Variants in ASTN1 observed in about 807,000 individuals in gnomAD.
ASTN1 encodes the protein astrotactin-1.
ASTN1 carries 41 observed loss-of-function variants against 140.7 expected under a neutral mutation model. The ratio of observed to expected loss-of-function variants is 0.29; its 90% CI spans 0.23 to 0.38. ASTN1 has a LOEUF of 0.38. Ranked by LOEUF, ASTN1 falls within the 10% of genes least tolerant of loss-of-function variation. ASTN1 has a pLI of 1.00. For missense variants in ASTN1, 1,479 were observed against 1,678.8 expected, an observed-to-expected ratio of 0.88 and a Z score of 2.08; for synonymous variants, 640 against 652.2, an observed-to-expected ratio of 0.98 and a Z score of 0.29.
chr1:177,014,648 G>T (rs553086164), intron 8 of ASTN1, 143 bp downstream of exon 8: 4 of 678,842 alleles, frequency 5.9e-6, no homozygotes, highest in Non-Finnish European at 1.0e-5. Flanking sequence ...ATATGGAAAG[G>T]CATAGTGACA....
At chr1:176,999,640 G>A (rs1049153945) in intron 8 of ASTN1, among the ~76,000 whole-genome samples, 1 of 152,134 alleles carries the variant, frequency 6.6e-6, no homozygotes, top group African/African-American at 2.4e-5. Flanking sequence ...GACTGAAGGT[G>A]ATATGGTTTG....
At position 177,061,073 on chromosome 1, in the gene ASTN1, C is replaced by T. The variant is rs1442392572; in HGVS notation, c.471+5G>A. 6.3e-7 allele frequency: 1 copy of T among 1,585,322 alleles called. No homozygotes were observed. Among genetic ancestry groups the T allele is most frequent in the Non-Finnish European group, 8.6e-7 (1 of 1,166,056 alleles). On this transcript the variant is annotated splice_donor_5th_base_variant and intron_variant, in intron 2 of 22. Transcript: ENST00000361833. ...CCTGAGAGGCTAAGGCTGTTCTGCT[C>T]TTACCATGACTGAGATGTGGAGGAT... is the stretch of plus-strand genomic sequence containing the variant.
chr1:177,067,691 G>A (rs753109207), intron 1 of ASTN1, among the ~76,000 whole-genome samples: 3 of 152,136 alleles, frequency 2.0e-5, no homozygotes, highest in South Asian at 2.1e-4. Context: ...AGTATCAAGC[G>A]TGACCCAAGT....
At chr1:177,144,850 T>C (rs954459350) in intron 1 of ASTN1, among the ~76,000 whole-genome samples, 3 of 151,920 alleles carry the variant, frequency 2.0e-5, no homozygotes, top group African/African-American at 7.3e-5. Flanking sequence ...GCCTTCGGGG[T>C]AACTGGTGGG....
At chr1:177,028,046 C>T (rs561925146) in intron 5 of ASTN1, among the ~76,000 whole-genome samples, 2 of 152,068 alleles carry the variant, frequency 1.3e-5, no homozygotes, top group Non-Finnish European at 2.9e-5. Context: ...AGGAAAAATC[C>T]TTCACTAGGC....
At chr1:177,041,739 G>T (rs1353481095) in intron 2 of ASTN1, among the ~76,000 whole-genome samples, 2 of 152,246 alleles carry the variant, frequency 1.3e-5, no homozygotes, top group South Asian at 4.1e-4. Context: ...TGCAGTATAT[G>T]CTAATGACCA....
chr1:177,002,171 G>C (rs1674758429), intron 8 of ASTN1, among the ~76,000 whole-genome samples: 1 of 152,092 alleles, frequency 6.6e-6, no homozygotes, highest in African/African-American at 2.4e-5. Context: ...AACAATGCTA[G>C]TCTCAGTGTG....
chr1:176,888,315 C>T (rs2103032177), intron 17 of ASTN1, 111 bp from the exon 18 acceptor site: 1 of 1,281,312 alleles, frequency 7.8e-7, no homozygotes, highest in Admixed American at 2.2e-5. Flanking sequence ...CTTCCAGCAG[C>T]AGGTTGTGTC....
At chr1:177,050,052 A>T (rs1257320761) in intron 2 of ASTN1, among the ~76,000 whole-genome samples, 1 of 152,198 alleles carries the variant, frequency 6.6e-6, no homozygotes, top group East Asian at 1.9e-4. Flanking sequence ...TAAGTTGGTT[A>T]TGTGTGATAG....
At chr1:176,936,205 C>T (rs1477913240) in intron 15 of ASTN1, 61 bp downstream of exon 15, 2 of 1,473,054 alleles carry the variant, frequency 1.4e-6, no homozygotes, top group African/African-American at 2.8e-5. Flanking sequence ...AGGCTTCTCC[C>T]CTTGGAAAGG....
chr1:177,066,990 G>T (rs1678392762), intron 1 of ASTN1, among the ~76,000 whole-genome samples: 1 of 152,130 alleles, frequency 6.6e-6, no homozygotes, highest in Non-Finnish European at 1.5e-5. Context: ...TTTCAAGGTT[G>T]AGGTTGACAC....
rs568760538 is a variant in ASTN1, at chr1:176,863,073, A to G, written c.*1211T>C. 19 of 985,778 alleles carry G rather than the reference A, an allele frequency of 1.9e-5. No homozygotes were observed. The East Asian group carries it at 1.6e-3, about 83-fold the overall frequency. The allele number at this position is 985,778 out of a possible 1,614,324, so 61.1% of individuals were successfully genotyped here. A position where few individuals can be genotyped will look rare whatever the true frequency, so the allele number is the denominator to read the frequency against. ...TGGGCCACCATTCATGACCATGCCA[A>G]TGCTTGGGCAGTGGGATGGAAACAA... On this transcript the variant is annotated 3_prime_UTR_variant, in exon 23 of 23. Transcript: ENST00000361833.
chr1:176,887,100 G>T (rs188541965), intron 18 of ASTN1, among the ~76,000 whole-genome samples: 3 of 152,050 alleles, frequency 2.0e-5, no homozygotes, highest in African/African-American at 7.2e-5. Context: ...CTCTCCTATT[G>T]TTCATCCCCA....
At position 176,864,330 on chromosome 1, in the gene ASTN1, G is replaced by A. The variant is rs758760092; in HGVS notation, c.3839C>T (p.Thr1280Ile). Reference sequence around the variant, plus strand: ...ATAGTCGTTGTAGGGGATACTCAGGGTCTGCTCCTCACACGTCTTCCTGAG... The same window carrying A: ...ATAGTCGTTGTAGGGGATACTCAGGATCTGCTCCTCACACGTCTTCCTGAG... ...RDLRKTCEEQ[T>I]LSIPYNDYGD... The change falls in exon 23 of 23, where the codon ACC becomes ATC. Residue 1280 changes from threonine to isoleucine, a missense_variant. Thr to Ile is a moderately conservative substitution (Grantham distance 89, BLOSUM62 -1). Around this residue, in one of 3 missense-constraint regions of ASTN1, gnomAD observed 746 missense variants for 800.9 expected, o/e 0.93. Coordinates refer to ENST00000361833, the MANE Select transcript of ASTN1 (RefSeq NM_004319.3). 6.2e-7 allele frequency: 1 copy of A among 1,614,098 alleles called. No individual in the cohort carries two copies. Among genetic ancestry groups the A allele is most frequent in the Non-Finnish European group, 8.5e-7 (1 of 1,180,012 alleles).
chr1:177,016,354 G>A (rs1289642480), intron 7 of ASTN1, among the ~76,000 whole-genome samples: 2 of 150,990 alleles, frequency 1.3e-5, no homozygotes, highest in East Asian at 3.9e-4. Context: ...TATTTGATCA[G>A]GACATTGTCT....
intron 8 of ASTN1, among the ~76,000 whole-genome samples, chr1:177,000,533 G>A (rs954922567): frequency 6.6e-5 from 10 of 152,274 alleles, no homozygotes; most frequent in Non-Finnish European, 1.0e-4. Flanking sequence ...TTAACATGTA[G>A]CCAGCCTGTA....
At chr1:177,039,912 CCA>C (rs1277115829) in intron 2 of ASTN1, among the ~76,000 whole-genome samples, 2 of 152,180 alleles carry the variant, frequency 1.3e-5, no homozygotes, top group Non-Finnish European at 2.9e-5. Context: ...GTCATCAACC[CCA>C]GTTAGCCAAT....
At position 177,012,218 on chromosome 1, in the gene ASTN1, C is replaced by T. The variant is rs140902573; in HGVS notation, c.1523+2573G>A. Among the ~76,000 whole-genome samples the T allele has an allele frequency of 2.7e-3, 404 of 152,270 alleles. 1 individual carries two copies. Among genetic ancestry groups the T allele is most frequent in the African/African-American group, 9.2e-3 (383 of 41,554 alleles). The stretch of plus-strand genomic sequence containing the variant: ...ACAGTCTTCATGTTCAAACAAATTT[C>T]GATTAATTTTGTGAGAATCATTTAA... On this transcript the variant is annotated intron_variant, in intron 8 of 22. Coordinates refer to ENST00000361833, the MANE Select transcript of ASTN1 (RefSeq NM_004319.3).
chr1:176,933,372 A>T (rs765577443), intron 16 of ASTN1, among the ~76,000 whole-genome samples: 1 of 152,184 alleles, frequency 6.6e-6, no homozygotes, highest in African/African-American at 2.4e-5. Flanking sequence ...CTAATTCATC[A>T]CTTGCCCTTT....
Sources: gnomAD v4.1 joint callset for allele counts (sites outside exome capture counted in the v4.1 genomes callset) on GRCh38, gnomAD v4.1.1 for gene constraint, gnomAD v4.1.1 regional missense constraint, MANE v1.5 for transcripts, NCBI Gene and HGNC (gene_info 2026-07-23, HGNC 2026-07-21) for gene names.